The following TANGO6 variants were observed in gnomAD, a reference collection of about 807,000 sequenced individuals.
TANGO6 encodes the protein transport and golgi organization 6 homolog, also known as transport and Golgi organization protein 6 homolog.
A neutral mutation model predicts 114.2 loss-of-function variants in TANGO6; 90 were observed. The ratio of observed to expected loss-of-function variants is 0.79; its 90% CI spans 0.66 to 0.94. The LOEUF is 0.94. TANGO6 is among the 40% of genes least tolerant of loss of function. TANGO6 has a pLI of 0.00. For synonymous variants in TANGO6, 477 were observed against 509.8 expected (o/e 0.94, Z 0.87); for missense variants, 1,274 against 1,315.3 (o/e 0.97, Z 0.49).
At chr16:68,864,478 A>G (rs1402067098) in intron 3 of TANGO6, among the ~76,000 whole-genome samples, 1 of 151,950 alleles carries the variant, frequency 6.6e-6, no homozygotes, top group Non-Finnish European at 1.5e-5. Context: ...CTACTCTGGA[A>G]GCTGAGGTGG....
At chr16:68,871,586 T>C (rs1406043774) in intron 4 of TANGO6, among the ~76,000 whole-genome samples, 1 of 152,136 alleles carries the variant, frequency 6.6e-6, no homozygotes, top group Non-Finnish European at 1.5e-5. Flanking sequence ...TGTGTCTTCT[T>C]TTCTCTATGT....
chr16:69,040,485 C>A, intron 17 of TANGO6, 64 bp downstream of exon 17: 1 of 1,394,908 alleles, frequency 7.2e-7, no homozygotes, highest in Non-Finnish European at 9.9e-7. Context: ...TCTCAATCTT[C>A]CTTTTACCAG....
intron 14 of TANGO6, among the ~76,000 whole-genome samples, chr16:68,964,219 C>T (rs1374627581): frequency 6.6e-6 from 1 of 151,806 alleles, no homozygotes; most frequent in Non-Finnish European, 1.5e-5. Context: ...CTGATCTGAT[C>T]GCTATATTAT....
rs554338968 is a variant in TANGO6 at position 69,070,608 on chromosome 16, G to A, written c.3109-12877G>A. Reference sequence around the variant, plus strand: ...AGATCACACCACTACACTCCAGCCCGGGTGACAGAGGGAGACTCCATCTCA... The same window carrying A: ...AGATCACACCACTACACTCCAGCCCAGGTGACAGAGGGAGACTCCATCTCA... On this transcript the variant is annotated intron_variant, in intron 17 of 17. Coordinates refer to ENST00000261778, the MANE Select transcript of TANGO6 (RefSeq NM_024562.2). Among the ~76,000 whole-genome samples the A allele has an allele frequency of 8.7e-5, 13 of 149,338 alleles. 1 individual carries two copies. In the South Asian group the frequency reaches 2.6e-3, roughly 30 times the overall value.
At position 68,875,134 on chromosome 16, in the gene TANGO6, A is replaced by T. The variant is rs773116733; in HGVS notation, c.995-20A>T. On this transcript the variant is annotated intron_variant, in intron 4 of 17. Transcript: ENST00000261778. ...TGGGGAATTGCTGTGAGCTGCTAAC[A>T]TCTCTCTCCATTGTGCCAGCGGGAG... The T allele has an allele frequency of 1.2e-6, 2 of 1,607,052 alleles. No individual in the cohort carries two copies. Among genetic ancestry groups the T allele is most frequent in the African/African-American group, 1.3e-5 (1 of 74,934 alleles).
chr16:69,077,237 G>A (rs1356944952), intron 17 of TANGO6, among the ~76,000 whole-genome samples: 1 of 150,980 alleles, frequency 6.6e-6, no homozygotes, highest in Non-Finnish European at 1.5e-5. Context: ...TTTTTTTTTA[G>A]TAGAGATGAG....
intron 7 of TANGO6, among the ~76,000 whole-genome samples, chr16:68,896,443 G>T (rs965121160): frequency 1.3e-5 from 2 of 152,084 alleles, no homozygotes; most frequent in Non-Finnish European, 2.9e-5. Context: ...CTCCTGTGTA[G>T]CTGGAAGTAC....
chr16:68,966,930 C>A (rs1395140376), intron 14 of TANGO6, among the ~76,000 whole-genome samples: 1 of 152,080 alleles, frequency 6.6e-6, no homozygotes, highest in Non-Finnish European at 1.5e-5. Context: ...CACCACCATG[C>A]CCTGCTAATT....
chr16:69,062,916 AC>A (rs1317482606), intron 17 of TANGO6, among the ~76,000 whole-genome samples: 1 of 151,052 alleles, frequency 6.6e-6, no homozygotes, highest in Non-Finnish European at 1.5e-5. Context: ...AAATGGTGAA[AC>A]CCTGTCTGTA....
At chr16:68,880,812 G>A (rs573547711) in intron 7 of TANGO6, among the ~76,000 whole-genome samples, 182 bp downstream of exon 7, 78 of 151,780 alleles carry the variant, frequency 5.1e-4, no homozygotes, top group Middle Eastern at 6.8e-3. Context: ...GGTGTGAGCC[G>A]CTGCTCCCAG....
intron 15 of TANGO6, among the ~76,000 whole-genome samples, chr16:68,995,565 A>G (rs1567555398): frequency 6.6e-6 from 1 of 152,142 alleles, no homozygotes; most frequent in Non-Finnish European, 1.5e-5. Flanking sequence ...CGTTCTTTCC[A>G]CTTTTGAAAG....
intron 11 of TANGO6, among the ~76,000 whole-genome samples, chr16:68,916,379 T>G (rs2152189443): frequency 6.6e-6 from 1 of 152,136 alleles, no homozygotes; most frequent in East Asian, 1.9e-4. Context: ...GGTTGCGCAG[T>G]CCTTATGAGA....
chr16:68,923,289 T>C (rs1400284942), intron 12 of TANGO6, among the ~76,000 whole-genome samples: 1 of 152,132 alleles, frequency 6.6e-6, no homozygotes, highest in Non-Finnish European at 1.5e-5. Flanking sequence ...CAAAGACCAT[T>C]GCTCAGACTC....
intron 15 of TANGO6, among the ~76,000 whole-genome samples, chr16:69,022,549 C>T (rs1959425695): frequency 6.6e-6 from 1 of 151,990 alleles, no homozygotes; most frequent in African/African-American, 2.4e-5. Flanking sequence ...ACAAAAAATA[C>T]AAAAATTAGC....
chr16:68,909,332 T>C lies in TANGO6; in HGVS notation c.1922T>C (p.Leu641Pro). 6.2e-7 allele frequency: 1 copy of C among 1,609,006 alleles called. No individual in the cohort carries two copies. Among genetic ancestry groups the C allele is most frequent in the Non-Finnish European group, 8.5e-7 (1 of 1,177,398 alleles). ...TLLVEGQERK[L>P]LVLQLMAVLC... The stretch of plus-strand genomic sequence containing the variant: ...CTTGTGGAAGGCCAAGAGCGGAAGC[T>C]GCTTGTCCTGCAGCTGATGGCTGTT... The change falls in exon 11 of 18, where the codon CTG (leucine) becomes CCG (proline). Residue 641 changes from leucine to proline, a missense_variant. Coordinates refer to ENST00000261778, the MANE Select transcript of TANGO6 (RefSeq NM_024562.2).
intron 14 of TANGO6, among the ~76,000 whole-genome samples, chr16:68,961,978 A>G (rs1963597097): frequency 6.6e-6 from 1 of 152,194 alleles, no homozygotes; most frequent in Non-Finnish European, 1.5e-5. Flanking sequence ...CCTCAGGCCT[A>G]AGTAACATTC....
chr16:69,023,901 T>TTTATTA (rs895612578), intron 16 of TANGO6, among the ~76,000 whole-genome samples: 11 of 151,778 alleles, frequency 7.2e-5, no homozygotes, highest in East Asian at 1.9e-4. Context: ...TTTAGAGTTT[T>TTTATTA]TTATTATTAT....
At chr16:68,924,974 CT>C (rs774663909) in intron 12 of TANGO6, among the ~76,000 whole-genome samples, 4 of 151,998 alleles carry the variant, frequency 2.6e-5, no homozygotes, top group Non-Finnish European at 5.9e-5. Flanking sequence ...GATCAAGGTG[CT>C]TCTGCCATGC....
At chr16:69,077,201 G>T (rs920460296) in intron 17 of TANGO6, among the ~76,000 whole-genome samples, 2 of 151,868 alleles carry the variant, frequency 1.3e-5, no homozygotes, top group Non-Finnish European at 2.9e-5. Flanking sequence ...ACCATGCCTG[G>T]CTAATTTTTA....
Sources: allele counts gnomAD v4.1 joint callset (sites outside exome capture counted in the v4.1 genomes callset), GRCh38; gene constraint gnomAD v4.1.1; transcripts MANE v1.5; gene names NCBI Gene and HGNC (gene_info 2026-07-23, HGNC 2026-07-21).